The following SMURF1 variants were observed in gnomAD, a reference collection of about 807,000 sequenced individuals.
SMURF1 encodes E3 ubiquitin-protein ligase SMURF1.
In SMURF1, 44 loss-of-function variants were observed where a neutral mutation model predicts 98.0. That is an observed-to-expected ratio of 0.45 (90% CI 0.35 to 0.58). The LOEUF (loss-of-function observed/expected upper bound fraction) is 0.58. SMURF1 is among the 20% of genes least tolerant of loss of function. SMURF1 has a pLI of 0.00. For synonymous variants in SMURF1, 396 were observed against 374.9 expected (o/e 1.06, Z -0.65); for missense variants, 687 against 938.4 (o/e 0.73, Z 3.50).
chr7:99,091,765 C>A, intron 1 of SMURF1, among the ~76,000 whole-genome samples: 1 of 152,198 alleles, frequency 6.6e-6, no homozygotes, highest in East Asian at 1.9e-4. Flanking sequence ...CCTAATGTCT[C>A]CAGCTCTGGG....
chr7:99,051,393 G>A lies in SMURF1; in HGVS notation c.770C>T (p.Thr257Ile). Reference protein sequence around the residue: ...QGQVYFLHTQTGVSTWHDPRI... With the variant: ...QGQVYFLHTQIGVSTWHDPRI... The stretch of plus-strand genomic sequence containing the variant: ...GGGGTCGTGCCACGTGCTAACTCCA[G>A]TCTGTGTATGCAAAAAGTAAACTTG... The change falls in exon 8 of 18, where the codon ACT becomes ATT. Residue 257 changes from threonine (T) to isoleucine (I), a missense_variant. Transcript: ENST00000361368. The A allele has an allele frequency of 6.2e-7, 1 of 1,614,170 alleles. No homozygotes were observed. Among genetic ancestry groups the A allele is most frequent in the Non-Finnish European group, 8.5e-7 (1 of 1,180,022 alleles).
chr7:99,046,960 C>T (rs1248409340), intron 10 of SMURF1, among the ~76,000 whole-genome samples: 1 of 152,168 alleles, frequency 6.6e-6, no homozygotes, highest in East Asian at 1.9e-4. Flanking sequence ...CCCCAGTGCT[C>T]CCTTAGTGCT....
chr7:99,049,383 C>A (rs1307719270), intron 9 of SMURF1, 180 bp downstream of exon 9: 5 of 645,078 alleles, frequency 7.8e-6, no homozygotes, highest in Non-Finnish European at 1.3e-5. Context: ...GGCTTCAGTG[C>A]TCTTCACAGC....
At chr7:99,123,263 CGT>C (rs1797681553) in intron 1 of SMURF1, among the ~76,000 whole-genome samples, 1 of 152,042 alleles carries the variant, frequency 6.6e-6, no homozygotes, top group Non-Finnish European at 1.5e-5. Context: ...ATGGCCAGGG[CGT>C]GGTGGCTTAC....
chr7:99,074,112 A>G (rs1356270086), intron 1 of SMURF1, among the ~76,000 whole-genome samples: 1 of 152,228 alleles, frequency 6.6e-6, no homozygotes, highest in African/African-American at 2.4e-5. Flanking sequence ...ATTTCATACA[A>G]TGCCACTTAT....
chr7:99,074,345 C>T (rs919970272), intron 1 of SMURF1, among the ~76,000 whole-genome samples: 1 of 152,086 alleles, frequency 6.6e-6, no homozygotes, highest in African/African-American at 2.4e-5. Flanking sequence ...TCATAAACAT[C>T]AATAGACAGA....
chr7:99,080,587 CCA>C (rs1796558606), intron 1 of SMURF1, among the ~76,000 whole-genome samples: 1 of 152,208 alleles, frequency 6.6e-6, no homozygotes, highest in Non-Finnish European at 1.5e-5. Flanking sequence ...GCGTGAGCCA[CCA>C]CGCCCGGCTA....
chr7:99,111,167 G>T (rs1443356013), intron 1 of SMURF1, among the ~76,000 whole-genome samples: 3 of 152,098 alleles, frequency 2.0e-5, no homozygotes, highest in Non-Finnish European at 2.9e-5. Context: ...AATTTTAAAG[G>T]CCAAGAATAA....
chr7:99,032,268 T>C (rs1339361061), intron 17 of SMURF1, among the ~76,000 whole-genome samples: 1 of 152,234 alleles, frequency 6.6e-6, no homozygotes, highest in African/African-American at 2.4e-5. Context: ...ACAACCTTTG[T>C]GTGGGACGCT....
intron 9 of SMURF1, 150 bp from the exon 10 acceptor site, chr7:99,048,032 C>CTAG (rs1795639039): frequency 1.4e-6 from 1 of 701,866 alleles, no homozygotes; most frequent in Non-Finnish European, 2.4e-6. Context: ...AGGTACCTAG[C>CTAG]TAGCTGTGTC....
chr7:99,119,367 A>G (rs902482446), intron 1 of SMURF1, among the ~76,000 whole-genome samples: 2 of 152,124 alleles, frequency 1.3e-5, no homozygotes, highest in Non-Finnish European at 2.9e-5. Flanking sequence ...CCTCCCCACA[A>G]AGAAATTAAC....
chr7:99,049,793 G>T (rs1017574379), intron 8 of SMURF1, 84 bp from the exon 9 acceptor site: 59 of 1,373,952 alleles, frequency 4.3e-5, no homozygotes, highest in Non-Finnish European at 5.5e-5. Flanking sequence ...AGCCACAGAG[G>T]TTCCTTATCA....
chr7:99,043,735 T>A (rs1446506768), intron 11 of SMURF1, among the ~76,000 whole-genome samples: 1 of 152,226 alleles, frequency 6.6e-6, no homozygotes, highest in Non-Finnish European at 1.5e-5. Flanking sequence ...GGATCAGCTG[T>A]GAACAAGACA....
At chr7:99,083,709 T>G (rs944839110) in intron 1 of SMURF1, among the ~76,000 whole-genome samples, 1 of 152,260 alleles carries the variant, frequency 6.6e-6, no homozygotes, top group Non-Finnish European at 1.5e-5. Flanking sequence ...GCCTACAAAC[T>G]GCATTCTTTG....
chr7:99,035,710 T>G lies in SMURF1; in HGVS notation c.1816A>C (p.Ile606Leu). Residue 606 changes from isoleucine to leucine, a missense_variant, in exon 16 of 18, where the codon ATA (isoleucine) becomes CTA (leucine). By Grantham distance (5) the Ile-to-Leu change is conservative. This residue lies in a region of SMURF1 where 272 missense variants were observed against 430.0 expected (regional missense o/e 0.63). Transcript: ENST00000361368. ...AAGTCTATTTTATCCAGGCCGCCTA[T>G]GATCAGCTGAGGAGGTGCAGAAAGG... ...PFDQKELELI[I>L]GGLDKIDLND... The G allele has an allele frequency of 6.2e-7, 1 of 1,614,054 alleles. No homozygotes were observed. Among genetic ancestry groups the G allele is most frequent in the Non-Finnish European group, 8.5e-7 (1 of 1,179,948 alleles).
At chr7:99,130,631 A>G (rs973628429) in intron 1 of SMURF1, among the ~76,000 whole-genome samples, 6 of 152,210 alleles carry the variant, frequency 3.9e-5, no homozygotes, top group Non-Finnish European at 8.8e-5. Flanking sequence ...TACCACAAAG[A>G]AGGTATACTT....
chr7:99,062,700 T>C (rs1796059674), intron 1 of SMURF1, among the ~76,000 whole-genome samples: 1 of 151,940 alleles, frequency 6.6e-6, no homozygotes. Flanking sequence ...ATACAAAAAT[T>C]AGCTGTGTGT....
chr7:99,133,316 T>G (rs919343498), intron 1 of SMURF1, among the ~76,000 whole-genome samples: 2 of 151,306 alleles, frequency 1.3e-5, no homozygotes, highest in African/African-American at 4.9e-5. Context: ...GGAGGCTGAG[T>G]GAAGGGTACA....
chr7:99,105,294 C>T (rs569076120), intron 1 of SMURF1, among the ~76,000 whole-genome samples: 23 of 152,270 alleles, frequency 1.5e-4, no homozygotes, highest in Admixed American at 7.2e-4. Flanking sequence ...CATGCACTTA[C>T]GAGCTTGAGA....
Sources: allele counts gnomAD v4.1 joint callset (sites outside exome capture counted in the v4.1 genomes callset), GRCh38; gene constraint gnomAD v4.1.1; regional missense constraint gnomAD v4.1.1; transcripts MANE v1.5; gene names NCBI Gene and HGNC (gene_info 2026-07-23, HGNC 2026-07-21).